The following SUPT3H variants were observed in gnomAD, a reference collection of about 807,000 sequenced individuals.
SUPT3H encodes the protein SPT3 homolog, SAGA and STAGA complex component.
In SUPT3H, 44 loss-of-function variants were observed where a neutral mutation model predicts 44.3. The observed-to-expected ratio is 0.99, with a 90% confidence interval of 0.78 to 1.28. The LOEUF is 1.28. Ranked by LOEUF, SUPT3H falls within the 50% of genes most tolerant of loss-of-function variation. The pLI, the probability that SUPT3H is intolerant of heterozygous loss-of-function variation, is 0.00. For synonymous variants in SUPT3H, 124 were observed against 125.6 expected, an observed-to-expected ratio of 0.99 and a Z score of 0.09; for missense variants, 380 against 387.1, an observed-to-expected ratio of 0.98 and a Z score of 0.15.
At position 45,177,197 on chromosome 6, in the gene SUPT3H, G is replaced by C. The variant is rs1584046748; in HGVS notation, c.102-71191C>G. Among the ~76,000 whole-genome samples the C allele has an allele frequency of 5.9e-5, 9 of 152,248 alleles. No individual in the cohort carries two copies. In the South Asian group the frequency reaches 1.7e-3, roughly 28 times the overall value. ...AAAAATTTAGAAGAATGTATAACTA[G>C]AATAACCAATACAGAGAAGTGCTTA... is the stretch of plus-strand genomic sequence containing the variant. On this transcript the variant is annotated intron_variant, in intron 2 of 10. Transcript: ENST00000371459.
At chr6:44,925,147 C>T (rs556155261) in intron 10 of SUPT3H, among the ~76,000 whole-genome samples, 23 of 152,236 alleles carry the variant, frequency 1.5e-4, no homozygotes, top group African/African-American at 4.6e-4. Flanking sequence ...GATATGAAAA[C>T]ATCTCTAGTA....
intron 2 of SUPT3H, among the ~76,000 whole-genome samples, chr6:45,146,589 AATAG>A (rs1319462145): frequency 6.6e-6 from 1 of 152,164 alleles, no homozygotes; most frequent in Non-Finnish European, 1.5e-5. Context: ...ATAAAAATAA[AATAG>A]ATATTTTGTT....
At chr6:45,273,012 G>T (rs1776448778) in intron 2 of SUPT3H, among the ~76,000 whole-genome samples, 1 of 152,158 alleles carries the variant, frequency 6.6e-6, no homozygotes, top group Admixed American at 6.5e-5. Context: ...ATTCTTTGAA[G>T]AAATGCTTTG....
intron 9 of SUPT3H, among the ~76,000 whole-genome samples, chr6:44,950,480 G>C (rs987995043): frequency 1.7e-4 from 26 of 152,132 alleles, no homozygotes; most frequent in African/African-American, 6.0e-4. Flanking sequence ...CGAGCATAGT[G>C]GTGTGCCTGT....
chr6:44,958,073 T>C (rs1775474499), intron 7 of SUPT3H, among the ~76,000 whole-genome samples: 1 of 152,160 alleles, frequency 6.6e-6, no homozygotes, highest in Non-Finnish European at 1.5e-5. Context: ...CCTTCGCCCC[T>C]CTTCCCAACG....
chr6:45,318,008 T>C (rs9395096), intron 2 of SUPT3H, among the ~76,000 whole-genome samples: 149,110 of 152,234 alleles, frequency 0.98, 73,036 homozygotes, highest in Middle Eastern at 1. Context: ...ATTTTTAAAA[T>C]GGGAGGTTTT....
intron 2 of SUPT3H, among the ~76,000 whole-genome samples, chr6:45,364,802 G>C (rs1334433861): frequency 1.3e-5 from 2 of 152,136 alleles, no homozygotes; most frequent in Non-Finnish European, 2.9e-5. Context: ...TATTACAAGA[G>C]TTGAGAAAAA....
intron 2 of SUPT3H, among the ~76,000 whole-genome samples, chr6:45,195,642 CTGAT>C (rs1403481292): frequency 2.6e-5 from 4 of 152,018 alleles, no homozygotes; most frequent in African/African-American, 4.8e-5. Flanking sequence ...TTTTTCATTT[CTGAT>C]TGTTTTTGAC....
At chr6:44,834,487 A>G (rs1769450769) in intron 10 of SUPT3H, among the ~76,000 whole-genome samples, 2 of 152,192 alleles carry the variant, frequency 1.3e-5, no homozygotes, top group Admixed American at 6.5e-5. Context: ...CATGTTTAAT[A>G]CTATAGTGAA....
chr6:44,821,866 G>A (rs746263675), downstream of SUPT3H, among the ~76,000 whole-genome samples: 2 of 152,074 alleles, frequency 1.3e-5, no homozygotes, highest in African/African-American at 2.4e-5. Flanking sequence ...AGTACAGAAA[G>A]CAACGATTAC....
chr6:44,954,466 G>A (rs1474398488), intron 8 of SUPT3H, 29 bp downstream of exon 8: 2 of 1,514,894 alleles, frequency 1.3e-6, no homozygotes, highest in African/African-American at 1.4e-5. Flanking sequence ...CAGCCAGTGT[G>A]GCCCGATATG....
chr6:45,215,498 G>A (rs780192683), intron 2 of SUPT3H, among the ~76,000 whole-genome samples: 30 of 151,902 alleles, frequency 2.0e-4, no homozygotes, highest in African/African-American at 2.9e-4. Flanking sequence ...GATAAATATC[G>A]GGGAAAAAAA....
At chr6:45,120,436 AAAAAAG>A (rs1262461634) in intron 2 of SUPT3H, among the ~76,000 whole-genome samples, 10 of 148,890 alleles carry the variant, frequency 6.7e-5, no homozygotes, top group African/African-American at 2.2e-4. Flanking sequence ...AAAAAAAAAA[AAAAAAG>A]ACTATATAAG....
At chr6:45,019,240 TTTTC>T (rs1246661538) in intron 4 of SUPT3H, among the ~76,000 whole-genome samples, 13 of 152,164 alleles carry the variant, frequency 8.5e-5, no homozygotes, top group African/African-American at 2.4e-4. Context: ...TTGTCTCTTT[TTTTC>T]TTTATTAGTC....
intron 3 of SUPT3H, chr6:45,098,707 C>A: frequency 5.1e-6 from 2 of 394,946 alleles, no homozygotes; most frequent in South Asian, 2.0e-5. Context: ...TTATCCTCCC[C>A]ATATGTTGGT....
In SUPT3H at chr6:45,095,459, AATCCAG is replaced by A. The variant is rs58992630; in HGVS notation, c.186+10457_186+10462del. Among the ~76,000 whole-genome samples, 60,190 of 151,236 alleles carry A rather than the reference AATCCAG, an allele frequency of 0.4. 12,250 individuals carry two copies. Among genetic ancestry groups the A allele is most frequent in the East Asian group, 0.7 (3,564 of 5,072 alleles). On this transcript the variant is annotated intron_variant, in intron 3 of 10. Coordinates refer to ENST00000371459, the MANE Select transcript of SUPT3H (RefSeq NM_003599.4). The surrounding 1 kb of genome is among the most constrained non-coding windows in gnomAD (Gnocchi z 4.1). ...GGGAGGGGTGAATTCAGTGCATTTTAATCCAGATCGGAGATTAAGCCATAACTCTTC... is the reference window on the plus strand; with the variant it reads ...GGGAGGGGTGAATTCAGTGCATTTTAATCGGAGATTAAGCCATAACTCTTC...
intron 3 of SUPT3H, among the ~76,000 whole-genome samples, chr6:45,060,762 A>G (rs1365692518): frequency 6.6e-6 from 1 of 152,184 alleles, no homozygotes; most frequent in Admixed American, 6.6e-5. Context: ...AAAAAAATAC[A>G]CAACCCCATT....
At chr6:44,937,493 C>CA (rs752102544) in intron 9 of SUPT3H, among the ~76,000 whole-genome samples, 2,811 of 141,112 alleles carry the variant, frequency 0.02, 41 homozygotes, top group South Asian at 0.032. Context: ...GACACTGTCT[C>CA]AAAAAAAAAA....
At chr6:44,906,111 C>T (rs1480418570) in intron 10 of SUPT3H, among the ~76,000 whole-genome samples, 1 of 152,126 alleles carries the variant, frequency 6.6e-6, no homozygotes, top group Non-Finnish European at 1.5e-5. Flanking sequence ...TCAAATGGCA[C>T]ATGTATACAT....
Sources: gnomAD v4.1 joint callset for allele counts (sites outside exome capture counted in the v4.1 genomes callset) on GRCh38, gnomAD v4.1.1 for gene constraint, Gnocchi (gnomAD v3.1) non-coding constraint, MANE v1.5 for transcripts, NCBI Gene and HGNC (gene_info 2026-07-23, HGNC 2026-07-21) for gene names.